GRM7: variants seen among roughly 807,000 people sequenced by gnomAD.
GRM7 encodes metabotropic glutamate receptor 7.
Under a neutral mutation model 84.5 loss-of-function variants are expected in GRM7, and 35 were observed. The ratio of observed to expected loss-of-function variants is 0.41; its 90% CI spans 0.32 to 0.55. The LOEUF (loss-of-function observed/expected upper bound fraction) is 0.55. Ranked by LOEUF, GRM7 falls within the 20% of genes least tolerant of loss-of-function variation. GRM7 has a pLI of 0.19. For synonymous variants in GRM7, 487 were observed against 455.1 expected (o/e 1.07, Z -0.89); for missense variants, 1,003 against 1,194.6 (o/e 0.84, Z 2.36).
intron 1 of GRM7, among the ~76,000 whole-genome samples, chr3:7,080,606 C>T (rs1279109050): frequency 2.0e-5 from 3 of 151,912 alleles, no homozygotes; most frequent in Admixed American, 1.3e-4. Flanking sequence ...CTATTCTAAG[C>T]TTCACCTCAT....
At chr3:7,702,896 A>T (rs551603115) in intron 9 of GRM7, among the ~76,000 whole-genome samples, 1 of 152,196 alleles carries the variant, frequency 6.6e-6, no homozygotes, top group African/African-American at 2.4e-5. Context: ...GGAGATAGTC[A>T]TAACAAAAAC....
intron 3 of GRM7, among the ~76,000 whole-genome samples, chr3:7,300,756 G>GA (rs1373929170): frequency 1.3e-5 from 2 of 150,902 alleles, no homozygotes; most frequent in African/African-American, 4.8e-5. Flanking sequence ...TGTCACTTTG[G>GA]AAAATTCTTC....
chr3:6,960,637 A>G (rs1272103480), intron 1 of GRM7, among the ~76,000 whole-genome samples: 2 of 152,122 alleles, frequency 1.3e-5, no homozygotes, highest in Non-Finnish European at 1.5e-5. Flanking sequence ...AACATTTTCA[A>G]TGTATTCCCT....
intron 4 of GRM7, among the ~76,000 whole-genome samples, chr3:7,403,415 A>G (rs1046829006): frequency 7.9e-5 from 12 of 151,372 alleles, no homozygotes; most frequent in African/African-American, 2.9e-4. Flanking sequence ...ATTTCACCCT[A>G]CATTCATTAG....
At chr3:7,722,346 A>G (rs1037317180) in intron 9 of GRM7, among the ~76,000 whole-genome samples, 21 of 152,170 alleles carry the variant, frequency 1.4e-4, no homozygotes, top group African/African-American at 4.8e-4. Flanking sequence ...GTTATACTAT[A>G]GTACTATTAC....
chr3:7,523,747 C>A (rs895395395), intron 7 of GRM7, among the ~76,000 whole-genome samples: 3 of 152,002 alleles, frequency 2.0e-5, no homozygotes, highest in Middle Eastern at 6.3e-3. Flanking sequence ...TTGTGACTGG[C>A]ATGGTCACTG....
At chr3:7,733,524 G>C (rs991092844) in intron 9 of GRM7, among the ~76,000 whole-genome samples, 1 of 152,106 alleles carries the variant, frequency 6.6e-6, no homozygotes, top group Admixed American at 6.5e-5. Context: ...CTTGTGGGGT[G>C]GGTCAGATTT....
At chr3:6,968,244 T>C (rs1178242097) in intron 1 of GRM7, among the ~76,000 whole-genome samples, 1 of 152,190 alleles carries the variant, frequency 6.6e-6, no homozygotes, top group Non-Finnish European at 1.5e-5. Context: ...ATCTTCTCCA[T>C]TGTTTCTTCA....
chr3:7,686,204 G>C (rs572191603), intron 9 of GRM7, among the ~76,000 whole-genome samples: 1 of 152,138 alleles, frequency 6.6e-6, no homozygotes, highest in African/African-American at 2.4e-5. Flanking sequence ...AGGTGACCTG[G>C]TCTACCAAAG....
intron 4 of GRM7, among the ~76,000 whole-genome samples, chr3:7,361,309 T>C (rs1218019891): frequency 1.3e-5 from 2 of 152,048 alleles, no homozygotes; most frequent in African/African-American, 4.8e-5. Flanking sequence ...ATTTACATTA[T>C]CCCGAATTCT....
At chr3:7,691,490 C>T (rs1338172838) in intron 9 of GRM7, among the ~76,000 whole-genome samples, 2 of 152,074 alleles carry the variant, frequency 1.3e-5, no homozygotes, top group Admixed American at 6.5e-5. Flanking sequence ...AAGTTTCAAT[C>T]CTCAGTTTCC....
intron 7 of GRM7, among the ~76,000 whole-genome samples, chr3:7,563,814 G>T (rs1694141430): frequency 6.6e-6 from 1 of 152,134 alleles, no homozygotes; most frequent in Non-Finnish European, 1.5e-5. Context: ...ACTCACACTT[G>T]CCTTCCAAGA....
intron 9 of GRM7, among the ~76,000 whole-genome samples, chr3:7,710,099 A>G (rs541052692): frequency 6.6e-6 from 1 of 152,176 alleles, no homozygotes; most frequent in African/African-American, 2.4e-5. Context: ...GTGTGTATAT[A>G]TTATTATATA....
intron 1 of GRM7, among the ~76,000 whole-genome samples, chr3:6,981,622 A>G (rs1559365771): frequency 6.6e-6 from 1 of 152,172 alleles, no homozygotes; most frequent in African/African-American, 2.4e-5. Context: ...ATCATCCTCA[A>G]ACTGATAGCC....
intron 2 of GRM7, among the ~76,000 whole-genome samples, chr3:7,154,121 G>GA (rs1157807304): frequency 6.1e-4 from 93 of 152,258 alleles, no homozygotes; most frequent in East Asian, 3.9e-4. Context: ...TAATGTGATG[G>GA]AAAATTGTCT....
At chr3:7,694,430 AC>A (rs1700938712) in intron 9 of GRM7, 14 of 946,498 alleles carry the variant, frequency 1.5e-5, no homozygotes, top group African/African-American at 1.8e-5. Flanking sequence ...GTCATCCTGT[AC>A]CACACATAAT....
At chr3:7,653,180 C>CTTTTTTTTTT (rs1218949173) in intron 8 of GRM7, among the ~76,000 whole-genome samples, 23 of 89,520 alleles carry the variant, frequency 2.6e-4, no homozygotes, top group African/African-American at 4.4e-4. Flanking sequence ...ATACTATATC[C>CTTTTTTTTTT]TTTTTTTTTT....
intron 2 of GRM7, among the ~76,000 whole-genome samples, chr3:7,182,571 T>C (rs936234725): frequency 1.3e-5 from 2 of 152,242 alleles, no homozygotes; most frequent in African/African-American, 4.8e-5. Context: ...TTAGCTCTTG[T>C]TAAACATCAG....
At chr3:6,996,338 A>G (rs1033614064) in intron 1 of GRM7, among the ~76,000 whole-genome samples, 6 of 152,152 alleles carry the variant, frequency 3.9e-5, no homozygotes, top group Non-Finnish European at 8.8e-5. Flanking sequence ...ATGAGCCACC[A>G]TGCCTGGCCT....
Sources: allele counts gnomAD v4.1 joint callset (sites outside exome capture counted in the v4.1 genomes callset), GRCh38; gene constraint gnomAD v4.1.1; transcripts MANE v1.5; gene names NCBI Gene and HGNC (gene_info 2026-07-23, HGNC 2026-07-21).